Variants in LSAMP observed in about 807,000 individuals in gnomAD.
The protein encoded by LSAMP is limbic system associated membrane protein.
In LSAMP, 7 loss-of-function variants were observed where a neutral mutation model predicts 38.6. That is an observed-to-expected ratio of 0.18 (90% CI 0.10 to 0.34). The LOEUF (loss-of-function observed/expected upper bound fraction) is 0.34. LSAMP is among the 10% of genes least tolerant of loss of function. The probability of loss-of-function intolerance (pLI) is 1.00; values close to 1 mark genes in which losing one functional copy is unlikely to be tolerated. For synonymous variants in LSAMP, 154 were observed against 166.8 expected, an observed-to-expected ratio of 0.92 and a Z score of 0.59; for missense variants, 313 against 420.0, an observed-to-expected ratio of 0.75 and a Z score of 2.23.
intron 3 of LSAMP, among the ~76,000 whole-genome samples, chr3:115,999,257 T>C (rs1414076658): frequency 6.6e-6 from 1 of 152,186 alleles, no homozygotes; most frequent in African/African-American, 2.4e-5. Context: ...CAATGTTTCT[T>C]TTCCCTCCAT....
chr3:116,441,587 A>G (rs2049435912), intron 1 of LSAMP, among the ~76,000 whole-genome samples: 1 of 152,214 alleles, frequency 6.6e-6, no homozygotes, highest in South Asian at 2.1e-4. Flanking sequence ...ATTAATACAT[A>G]GTCTCAACCT....
intron 6 of LSAMP, among the ~76,000 whole-genome samples, chr3:115,836,100 T>C (rs938173947): frequency 6.6e-6 from 1 of 152,218 alleles, no homozygotes; most frequent in Non-Finnish European, 1.5e-5. Flanking sequence ...GCTGGGTAAA[T>C]GCACTCTGCC....
At chr3:116,288,581 T>G (rs1271601098) in intron 1 of LSAMP, among the ~76,000 whole-genome samples, 1 of 152,234 alleles carries the variant, frequency 6.6e-6, no homozygotes. Flanking sequence ...ATTTATGCTG[T>G]TCTCTCCCTC....
At chr3:116,303,202 T>C (rs1340934510) in intron 1 of LSAMP, among the ~76,000 whole-genome samples, 1 of 152,204 alleles carries the variant, frequency 6.6e-6, no homozygotes, top group Non-Finnish European at 1.5e-5. Flanking sequence ...TGGCTTAAAT[T>C]AAGCAAACAA....
chr3:116,405,370 G>A lies in LSAMP; in HGVS notation c.155+39507C>T, dbSNP rs779730989. ...AACATGAGCTACTTACTTATCTTCC[G>A]GATAAGAACAGAAGACAAGTGGAGA... On this transcript the variant is annotated intron_variant, in intron 1 of 6. Transcript: ENST00000490035. Among the ~76,000 whole-genome samples the A allele has an allele frequency of 3.9e-5, 6 of 151,996 alleles. No individual in the cohort carries two copies. The South Asian group carries it at 6.2e-4, about 16-fold the overall frequency.
chr3:116,042,121 G>A (rs896208354), intron 2 of LSAMP, among the ~76,000 whole-genome samples: 2 of 152,058 alleles, frequency 1.3e-5, no homozygotes, highest in Non-Finnish European at 2.9e-5. Flanking sequence ...AATTTTATGT[G>A]TACTATTCTG....
rs114288168 is a variant in LSAMP at position 116,323,567 on chromosome 3, C to G, written c.155+121310G>C. Among the ~76,000 whole-genome samples, 1,259 of 152,182 alleles carry G rather than the reference C, an allele frequency of 8.3e-3. 21 individuals are homozygous for G. The highest frequency in any genetic ancestry group is 0.029 in the African/African-American group (1,186 of 41,542). ...ATGGTTTGATAAGGATATTTCTGTA[C>G]ATAGATGAATTATCTTCCATCTTGG... On this transcript the variant is annotated intron_variant, in intron 1 of 6. Coordinates refer to ENST00000490035, the MANE Select transcript of LSAMP (RefSeq NM_002338.5).
chr3:116,199,919 C>A (rs1245405212), intron 1 of LSAMP, among the ~76,000 whole-genome samples: 1 of 151,812 alleles, frequency 6.6e-6, no homozygotes, highest in Non-Finnish European at 1.5e-5. Context: ...GGTGGCAGAT[C>A]TTATATTTTA....
At chr3:116,272,788 ACTATT>A (rs1369940686) in intron 1 of LSAMP, among the ~76,000 whole-genome samples, 9 of 152,172 alleles carry the variant, frequency 5.9e-5, no homozygotes, top group Admixed American at 5.2e-4. Flanking sequence ...GGCAGAAAAG[ACTATT>A]CTATTAACAT....
chr3:116,444,345 GA>G (rs1475990532), intron 1 of LSAMP, among the ~76,000 whole-genome samples: 2 of 130,258 alleles, frequency 1.5e-5, no homozygotes, highest in Non-Finnish European at 3.2e-5. Flanking sequence ...ACACAACCTT[GA>G]TATGTGTGTG....
chr3:116,066,889 T>C (rs1430405214), intron 2 of LSAMP, among the ~76,000 whole-genome samples: 2 of 152,212 alleles, frequency 1.3e-5, no homozygotes, highest in African/African-American at 4.8e-5. Flanking sequence ...GTTCTTTTTA[T>C]CCAATGTGCC....
chr3:116,120,595 G>A (rs1488178687), intron 1 of LSAMP, among the ~76,000 whole-genome samples: 1 of 152,180 alleles, frequency 6.6e-6, no homozygotes, highest in Admixed American at 6.5e-5. Flanking sequence ...TCAAGGTGAG[G>A]GCAGTTCCCA....
At chr3:116,410,829 A>G (rs2048964808) in intron 1 of LSAMP, among the ~76,000 whole-genome samples, 1 of 152,072 alleles carries the variant, frequency 6.6e-6, no homozygotes, top group South Asian at 2.1e-4. Flanking sequence ...TCCAAAGCAT[A>G]AGCAGAAAAT....
intron 3 of LSAMP, among the ~76,000 whole-genome samples, chr3:115,863,016 C>T (rs573044473): frequency 1.3e-5 from 2 of 152,250 alleles, no homozygotes; most frequent in Admixed American, 6.5e-5. Context: ...TGGGCCAAAG[C>T]TTAATAGGAA....
intron 2 of LSAMP, among the ~76,000 whole-genome samples, chr3:116,084,995 G>A (rs1457107205): frequency 6.6e-6 from 1 of 151,926 alleles, no homozygotes; most frequent in African/African-American, 2.4e-5. Flanking sequence ...ATGTGTGCTT[G>A]TATTTGTTTT....
intron 1 of LSAMP, among the ~76,000 whole-genome samples, chr3:116,382,407 A>G (rs911525140): frequency 9.2e-5 from 14 of 151,550 alleles, no homozygotes; most frequent in African/African-American, 3.2e-4. Flanking sequence ...CGCAAGGACA[A>G]AAAACCAAAC....
At chr3:116,084,007 G>A (rs1218483315) in intron 2 of LSAMP, among the ~76,000 whole-genome samples, 1 of 152,072 alleles carries the variant, frequency 6.6e-6, no homozygotes, top group East Asian at 1.9e-4. Context: ...CTTTGTTGTT[G>A]ATTTTTTTCT....
In LSAMP at chr3:115,817,935, G is replaced by A. The variant is rs376821226; in HGVS notation, c.920-7521C>T. 3.9e-5 allele frequency among the ~76,000 whole-genome samples: 6 copies of A among 152,078 alleles called. No individual in the cohort carries two copies. In the South Asian group the frequency reaches 6.2e-4, roughly 16 times the overall value. On this transcript the variant is annotated intron_variant, in intron 6 of 6. Transcript: ENST00000490035. ...TGCCACTTGTTTCCTTTCATAATAC[G>A]AGCTTTGACATCTTTTCTTTAGGAT...
chr3:116,402,994 A>G (rs1462325503), intron 1 of LSAMP, among the ~76,000 whole-genome samples: 1 of 152,182 alleles, frequency 6.6e-6, no homozygotes, highest in Non-Finnish European at 1.5e-5. Flanking sequence ...TTCTGGACTC[A>G]AGTGTTAGCA....
Sources: allele counts gnomAD v4.1 joint callset (sites outside exome capture counted in the v4.1 genomes callset), GRCh38; gene constraint gnomAD v4.1.1; transcripts MANE v1.5; gene names NCBI Gene and HGNC (gene_info 2026-07-23, HGNC 2026-07-21).